Variants in UNC13A observed in about 807,000 individuals in gnomAD.
UNC13A encodes protein unc-13 homolog A.
Under a neutral mutation model 219.7 loss-of-function variants are expected in UNC13A, and 61 were observed. That is an observed-to-expected ratio of 0.28 (90% confidence interval 0.23 to 0.34). UNC13A has a LOEUF of 0.34. Among genes scored for constraint, UNC13A ranks in the 10% least tolerant of loss-of-function variants. The pLI, the probability that UNC13A is intolerant of heterozygous loss-of-function variation, is 1.00. For missense variants in UNC13A, 1,476 were observed against 2,270.3 expected (o/e 0.65, Z 7.11); for synonymous variants, 920 against 884.6 (o/e 1.04, Z -0.71).
intron 26 of UNC13A, among the ~76,000 whole-genome samples, chr19:17,635,064 T>A (rs2145020376): frequency 6.6e-6 from 1 of 152,096 alleles, no homozygotes; most frequent in Non-Finnish European, 1.5e-5. Flanking sequence ...AGAGACAAGG[T>A]TTCACCATGT....
chr19:17,642,615 T>C (rs1033488379), intron 20 of UNC13A, among the ~76,000 whole-genome samples: 2 of 152,164 alleles, frequency 1.3e-5, no homozygotes, highest in African/African-American at 2.4e-5. Flanking sequence ...AAGAACCTGA[T>C]GATGAGTAGT....
intron 1 of UNC13A, among the ~76,000 whole-genome samples, chr19:17,687,065 A>C (rs1408761482): frequency 6.6e-6 from 1 of 152,064 alleles, no homozygotes; most frequent in Non-Finnish European, 1.5e-5. Context: ...TAGGCGTGGA[A>C]CGGCGGTCCA....
intron 43 of UNC13A, among the ~76,000 whole-genome samples, 179 bp from the exon 44 acceptor site, chr19:17,606,533 C>T (rs949778764): frequency 6.6e-6 from 1 of 152,160 alleles, no homozygotes; most frequent in African/African-American, 2.4e-5. Flanking sequence ...TGTGCTTGGC[C>T]GCGCCCACAG....
intron 21 of UNC13A, 35 bp from the exon 22 acceptor site, chr19:17,640,696 G>A (rs1247070295): frequency 1.9e-6 from 3 of 1,539,228 alleles, no homozygotes; most frequent in Non-Finnish European, 2.6e-6. Context: ...TAGGCCAGGG[G>A]TCCAGCCAGG....
chr19:17,616,340 C>T lies in UNC13A; in HGVS notation c.4558+1362G>A, dbSNP rs931060833. On this transcript the variant is annotated intron_variant, in intron 41 of 43. Coordinates refer to ENST00000519716, the MANE Select transcript of UNC13A (RefSeq NM_001080421.3). ...GCAGAAGGACGATCCTTTTACTAGC[C>T]GGGGCCAGGAGGGGCGCAGGCACCG... 7.4e-6 allele frequency: 5 copies of T among 671,310 alleles called. No homozygotes were observed. The East Asian group carries it at 1.1e-4, about 15-fold the overall frequency. 41.6% of individuals were successfully genotyped at this position (671,310 alleles called of 1,614,324 possible). A position where few individuals can be genotyped will look rare whatever the true frequency, so the allele number is the denominator to read the frequency against.
intron 30 of UNC13A, among the ~76,000 whole-genome samples, 178 bp downstream of exon 30, chr19:17,629,961 TCTCAAC>T (rs1420740524): frequency 1.5e-4 from 23 of 150,966 alleles, no homozygotes; most frequent in African/African-American, 4.1e-4. Context: ...TCCAACCTCA[TCTCAAC>T]CTCAACCTCA....
At chr19:17,675,983 G>GGACA in intron 2 of UNC13A, 29 bp downstream of exon 2, 1 of 1,550,636 alleles carries the variant, frequency 6.4e-7, no homozygotes, top group Non-Finnish European at 8.7e-7. Context: ...CAGACAACAC[G>GGACA]GGACAGGACA....
chr19:17,654,293 G>A (rs2079409785), intron 11 of UNC13A, among the ~76,000 whole-genome samples: 1 of 152,072 alleles, frequency 6.6e-6, no homozygotes, highest in Non-Finnish European at 1.5e-5. Context: ...TCCAATAGTA[G>A]CTGCTATTTT....
rs1418678662 is a variant in UNC13A, at chr19:17,627,410, A to G, written c.3920+99T>C. On this transcript the variant is annotated intron_variant, in intron 33 of 43. Transcript: ENST00000519716. This position sits in a 1 kb window ranked among gnomAD's most constrained non-coding sequence, Gnocchi z 4.7. Reference sequence around the variant, plus strand: ...AGCCTTGTCTAACTCTGAGCCTGCAATCTTCACCTCTACATCTGCTGAGCC... The same window carrying G: ...AGCCTTGTCTAACTCTGAGCCTGCAGTCTTCACCTCTACATCTGCTGAGCC... 1 of 934,500 alleles carries G rather than the reference A, an allele frequency of 1.1e-6. No individual in the cohort carries two copies. Among genetic ancestry groups the G allele is most frequent in the Non-Finnish European group, 1.6e-6 (1 of 606,496 alleles). The allele number at this position is 934,500 out of a possible 1,614,324, so 57.9% of individuals were successfully genotyped here. A position where few individuals can be genotyped will look rare whatever the true frequency, so the allele number is the denominator to read the frequency against.
chr19:17,606,295 T>G lies in UNC13A; in HGVS notation c.4871A>C (p.Tyr1624Ser). The G allele has an allele frequency of 6.5e-7, 1 of 1,549,734 alleles. No individual in the cohort carries two copies. The highest frequency in any genetic ancestry group is 8.7e-7 in the Non-Finnish European group (1 of 1,147,480). The change falls in exon 44 of 44, where the codon TAC (tyrosine) becomes TCC (serine). Residue 1624 changes from tyrosine (Y) to serine (S), a missense_variant. Tyr to Ser is a moderately radical substitution (Grantham distance 144, BLOSUM62 -2). Coordinates refer to ENST00000519716, the MANE Select transcript of UNC13A (RefSeq NM_001080421.3). ...CYELQVCVKD[Y>S]CFAREDRTVG... is the part of the protein sequence containing the mutation. ...CGTGCGGTCCTCGCGCGCGAAGCAG[T>G]AGTCCTTGACGCACACCTGCAGCTC...
intron 29 of UNC13A, 25 bp downstream of exon 29, chr19:17,630,629 C>T (rs1161219001): frequency 1.1e-5 from 17 of 1,613,076 alleles, no homozygotes; most frequent in Admixed American, 1.7e-5. Context: ...AGATTAGGAA[C>T]TTGGTTGTGG....
At chr19:17,682,300 C>G (rs2145931308) in intron 1 of UNC13A, among the ~76,000 whole-genome samples, 1 of 152,208 alleles carries the variant, frequency 6.6e-6, no homozygotes, top group Admixed American at 6.5e-5. Context: ...TGGGCCTTCC[C>G]GTAGGCCAGG....
At position 17,605,877 on chromosome 19, in the gene UNC13A, C is replaced by T. The variant is rs2076519124; in HGVS notation, c.*177G>A. ...GTGGCCTCCCGAGAGGGCGGGGCAT[C>T]CTCCATTCCTAATTCCCCAAAAGGG... On this transcript the variant is annotated 3_prime_UTR_variant, in exon 44 of 44. Coordinates refer to ENST00000519716, the MANE Select transcript of UNC13A (RefSeq NM_001080421.3). The T allele has an allele frequency of 1.2e-5, 7 of 607,568 alleles. No homozygotes were observed. In the East Asian group the frequency reaches 2.5e-4, roughly 22 times the overall value. The allele number at this position is 607,568 out of a possible 1,614,324, so 37.6% of individuals were successfully genotyped here.
Position 17,606,352 on chromosome 19 carries a change from G to T in UNC13A, c.4814C>A (p.Thr1605Lys). The T allele has an allele frequency of 6.5e-7, 1 of 1,543,642 alleles. No individual in the cohort carries two copies. The highest frequency in any genetic ancestry group is 1.4e-5 in the African/African-American group (1 of 72,954). ...APKYNESFQF[T>K]LSADAGPECY... ...CTCGGGACCCGCGTCGGCGCTCAGC[G>T]TGCTGCGTGGGGAGGGGCGGAACGT... The change falls in exon 44 of 44, where the codon ACG becomes AAG. Residue 1605 changes from threonine to lysine, a missense_variant and splice_region_variant. This residue lies in a region of UNC13A where 187 missense variants were observed against 172.3 expected (regional missense o/e 1.09). Coordinates refer to ENST00000519716, the MANE Select transcript of UNC13A (RefSeq NM_001080421.3).
At position 17,630,136 on chromosome 19, in the gene UNC13A, C is replaced by A. The variant is rs1479797547; in HGVS notation, c.3669+9G>T. ...TCCCCTAGCCCCAACCCTACCCACT[C>A]TCCCACACCTTGGCAAAGCGCCTCA... On this transcript the variant is annotated intron_variant, in intron 30 of 43. Transcript: ENST00000519716. The A allele has an allele frequency of 6.4e-7, 1 of 1,551,784 alleles. No individual in the cohort carries two copies. Among genetic ancestry groups the A allele is most frequent in the Admixed American group, 2.0e-5 (1 of 50,996 alleles).
intron 43 of UNC13A, among the ~76,000 whole-genome samples, chr19:17,607,161 A>C (rs1025740892): frequency 5.3e-5 from 8 of 152,176 alleles, no homozygotes; most frequent in African/African-American, 1.4e-4. Context: ...ACGACATGGA[A>C]CTGGCTTCAA....
chr19:17,628,297 TGA>T, intron 31 of UNC13A: 6 of 296,906 alleles, frequency 2.0e-5, no homozygotes, highest in Non-Finnish European at 2.6e-5. Flanking sequence ...AGCCAGACAG[TGA>T]CACACTGAAG....
At position 17,602,524 on chromosome 19, in the gene UNC13A, G is replaced by C. The variant is rs2076476444; in HGVS notation, c.*3530C>G. The C allele has an allele frequency of 6.6e-6, 1 of 152,228 alleles. No homozygotes were observed. Among genetic ancestry groups the C allele is most frequent in the Non-Finnish European group, 1.5e-5 (1 of 68,076 alleles). 9.4% of individuals were successfully genotyped at this position (152,228 alleles called of 1,614,324 possible). Reference sequence around the variant, plus strand: ...GCTCCTTGCATAAAGCGAGGTCCAGGGTTCAGAACCCTGGAGGTGTCATCC... The same window carrying C: ...GCTCCTTGCATAAAGCGAGGTCCAGCGTTCAGAACCCTGGAGGTGTCATCC... On this transcript the variant is annotated 3_prime_UTR_variant, in exon 44 of 44. Transcript: ENST00000519716.
chr19:17,640,649 G>T lies in UNC13A; in HGVS notation c.2649C>A (p.Cys883Ter). The stretch of plus-strand genomic sequence containing the variant: ...CTGGGCACATATACTTGGAGGAGAG[G>T]CAGGCAAAGTGGCTGGAGAGAGGGA... ...SIYQAMTHFACLSSKYMCPGV... is the reference protein window; with the variant it reads ...SIYQAMTHFA The change falls in exon 22 of 44, where the codon TGC (cysteine) becomes TGA (stop). Residue 883 changes from cysteine (C) to a stop codon, truncating the protein, a stop_gained. Transcript: ENST00000519716. LOFTEE classifies it high-confidence loss of function. 6.3e-7 allele frequency: 1 copy of T among 1,589,378 alleles called. No individual in the cohort carries two copies. The highest frequency in any genetic ancestry group is 8.6e-7 in the Non-Finnish European group (1 of 1,168,736).
Sources: gnomAD v4.1 joint callset for allele counts (sites outside exome capture counted in the v4.1 genomes callset) on GRCh38, gnomAD v4.1.1 for gene constraint, gnomAD v4.1.1 regional missense constraint, Gnocchi (gnomAD v3.1) non-coding constraint, MANE v1.5 for transcripts, NCBI Gene and HGNC (gene_info 2026-07-23, HGNC 2026-07-21) for gene names.